ARHGEF6: variants seen among roughly 807,000 people sequenced by gnomAD.
ARHGEF6 encodes the protein rho guanine nucleotide exchange factor 6.
ARHGEF6 carries 9 observed loss-of-function variants against 70.3 expected under a neutral mutation model. The ratio of observed to expected loss-of-function variants is 0.13; its 90% confidence interval spans 0.08 to 0.22. The LOEUF (loss-of-function observed/expected upper bound fraction) is 0.22. ARHGEF6 is among the 10% of genes least tolerant of loss of function. The probability of loss-of-function intolerance (pLI) is 1.00; values close to 1 mark genes in which losing one functional copy is unlikely to be tolerated. For synonymous variants in ARHGEF6, 201 were observed against 207.8 expected (o/e 0.97, Z 0.28); for missense variants, 470 against 563.0 (o/e 0.83, Z 1.67).
intron 19 of ARHGEF6, among the ~76,000 whole-genome samples, chrX:136,674,275 AT>A (rs1275360952): frequency 3.5e-5 from 4 of 112,747 alleles, no homozygotes; most frequent in African/African-American, 1.3e-4. Context: ...GATGTCCAAA[AT>A]GGAGTACTAT....
At chrX:136,677,827 C>T (rs1215318518) in intron 17 of ARHGEF6, 109 bp downstream of exon 17, 1 of 632,065 alleles carries the variant, frequency 1.6e-6, no homozygotes, top group Admixed American at 3.2e-5. Context: ...ATTTTAGCCA[C>T]CAATTATAAC....
chrX:136,689,353 GAT>G (rs760544965), intron 10 of ARHGEF6, among the ~76,000 whole-genome samples: 41 of 112,178 alleles, frequency 3.7e-4, no homozygotes, highest in Admixed American at 9.4e-4. Flanking sequence ...GAAAGACTGA[GAT>G]ATAGGATCCA....
At chrX:136,769,458 C>A (rs2077348414) in intron 2 of ARHGEF6, among the ~76,000 whole-genome samples, 1 of 111,159 alleles carries the variant, frequency 9.0e-6, no homozygotes, top group Non-Finnish European at 1.9e-5. Context: ...GGCTCAGGAG[C>A]AGAATAGGAG....
intron 2 of ARHGEF6, among the ~76,000 whole-genome samples, chrX:136,766,407 C>A: frequency 9.2e-6 from 1 of 108,743 alleles, no homozygotes; most frequent in East Asian, 2.9e-4. Flanking sequence ...GGGGGTTATG[C>A]AAAGTTTTTA....
intron 5 of ARHGEF6, among the ~76,000 whole-genome samples, chrX:136,741,897 G>C (rs1254211827): frequency 9.0e-6 from 1 of 111,698 alleles, no homozygotes; most frequent in East Asian, 2.8e-4. Context: ...CCCTTAATGA[G>C]ATGCCACTCA....
intron 2 of ARHGEF6, among the ~76,000 whole-genome samples, chrX:136,773,280 A>G (rs1161301028): frequency 3.6e-5 from 4 of 112,080 alleles, no homozygotes; most frequent in Admixed American, 2.8e-4. Flanking sequence ...TTGTACATCT[A>G]CAGTTTTATA....
At chrX:136,686,713 T>TATATATAC (rs2076405346) in intron 11 of ARHGEF6, among the ~76,000 whole-genome samples, 3 of 66,021 alleles carry the variant, frequency 4.5e-5, no homozygotes, top group Non-Finnish European at 2.6e-5. Flanking sequence ...TATATACATA[T>TATATATAC]ATATATATAT....
chrX:136,732,925 C>G (rs950008460), intron 5 of ARHGEF6, among the ~76,000 whole-genome samples: 2 of 111,511 alleles, frequency 1.8e-5, no homozygotes, highest in Non-Finnish European at 3.8e-5. Flanking sequence ...GGCAAGCATA[C>G]TTTTCTTGGG....
At chrX:136,734,586 C>T (rs767686214) in intron 5 of ARHGEF6, among the ~76,000 whole-genome samples, 64 of 111,851 alleles carry the variant, frequency 5.7e-4, no homozygotes, top group Non-Finnish European at 7.7e-4. Flanking sequence ...AAGGAAGAAT[C>T]AATACTAATT....
In ARHGEF6 at chrX:136,667,384, T is replaced by TCTTATAGACAACATAGGGC. The variant is rs1225949443; in HGVS notation, c.*626_*644dup. 2 of 113,353 alleles carry TCTTATAGACAACATAGGGC rather than the reference T, an allele frequency of 1.8e-5. No individual in the cohort carries two copies. Among genetic ancestry groups the TCTTATAGACAACATAGGGC allele is most frequent in the African/African-American group, 6.5e-5 (2 of 30,882 alleles). The allele number at this position is 113,353 out of a possible 1,213,427, so 9.3% of individuals were successfully genotyped here. On this transcript the variant is annotated 3_prime_UTR_variant, in exon 22 of 22. Transcript: ENST00000250617. ...AATAAGGGTACTACAGTTTTCTTGG[T>TCTTATAGACAACATAGGGC]CTTATAGACAACATAGGGCAGTAAT... is the stretch of plus-strand genomic sequence containing the variant.
intron 11 of ARHGEF6, 67 bp downstream of exon 11, chrX:136,687,865 A>C: frequency 2.1e-6 from 2 of 939,647 alleles, no homozygotes; most frequent in Non-Finnish European, 3.1e-6. Flanking sequence ...GAAATGTTAC[A>C]CACAAATCGC....
At chrX:136,680,070 G>T (rs777603814) in intron 15 of ARHGEF6, among the ~76,000 whole-genome samples, 50 of 112,237 alleles carry the variant, frequency 4.5e-4, no homozygotes, top group African/African-American at 1.5e-3. Flanking sequence ...ACTAGTAATT[G>T]GCAAAGCCAA....
At chrX:136,727,365 CTT>C (rs2076870549) in intron 6 of ARHGEF6, among the ~76,000 whole-genome samples, 6 of 66,144 alleles carry the variant, frequency 9.1e-5, no homozygotes, top group Admixed American at 7.4e-4. Flanking sequence ...TTCTTTCTTT[CTT>C]TCTTTCTTTC....
At chrX:136,728,729 A>G (rs2076896243) in intron 6 of ARHGEF6, among the ~76,000 whole-genome samples, 2 of 109,506 alleles carry the variant, frequency 1.8e-5, no homozygotes, top group East Asian at 2.9e-4. Flanking sequence ...TTGCCTGCCT[A>G]TTGTGAGTGG....
At chrX:136,717,427 G>A (rs1341980855) in intron 6 of ARHGEF6, among the ~76,000 whole-genome samples, 2 of 111,526 alleles carry the variant, frequency 1.8e-5, no homozygotes, top group South Asian at 3.7e-4. Flanking sequence ...AAAACTGAGG[G>A]AAACTGTCAC....
At position 136,714,247 on chromosome X, in the gene ARHGEF6, T is replaced by A. The variant is rs150626542; in HGVS notation, c.733-877A>T. ...GTTCTAGGGTCATGTCACAACCCATTTCCAAGCCTCTTCTAGTGACAGGTA... is the reference window on the plus strand; with the variant it reads ...GTTCTAGGGTCATGTCACAACCCATATCCAAGCCTCTTCTAGTGACAGGTA... On this transcript the variant is annotated intron_variant, in intron 6 of 21. Transcript: ENST00000250617. Among the ~76,000 whole-genome samples the A allele has an allele frequency of 3.3e-4, 37 of 111,820 alleles. No homozygotes were observed. The East Asian group carries it at 0.01, about 31-fold the overall frequency.
chrX:136,672,836 A>C (rs991718460), intron 19 of ARHGEF6, among the ~76,000 whole-genome samples: 1 of 111,699 alleles, frequency 9.0e-6, no homozygotes, highest in Non-Finnish European at 1.9e-5. Flanking sequence ...TCAAGTGCTT[A>C]ATCTTGGGTC....
chrX:136,760,205 C>A (rs946422532), intron 2 of ARHGEF6, among the ~76,000 whole-genome samples: 28 of 112,611 alleles, frequency 2.5e-4, no homozygotes, highest in African/African-American at 8.4e-4. Flanking sequence ...AAGAAACTGG[C>A]AAGTGCCTTC....
intron 2 of ARHGEF6, among the ~76,000 whole-genome samples, chrX:136,769,776 C>T (rs767415417): frequency 1.8e-4 from 20 of 112,208 alleles, no homozygotes; most frequent in Non-Finnish European, 3.8e-4. Context: ...TGACCCTCTA[C>T]CTAGACAGGA....
Sources: gnomAD v4.1 joint callset for allele counts (sites outside exome capture counted in the v4.1 genomes callset) on GRCh38, gnomAD v4.1.1 for gene constraint, MANE v1.5 for transcripts, NCBI Gene and HGNC (gene_info 2026-07-23, HGNC 2026-07-21) for gene names.